Variants in PACS1 observed in about 807,000 individuals in gnomAD.
The protein encoded by PACS1 is PACS-1.
A neutral mutation model predicts 115.0 loss-of-function variants in PACS1; 24 were observed. That is an observed-to-expected ratio of 0.21 (90% CI 0.15 to 0.29). PACS1 has a LOEUF of 0.29. PACS1 is among the 10% of genes least tolerant of loss of function. The pLI is 1.00. For missense variants in PACS1, 838 were observed against 1,251.2 expected (o/e 0.67, Z 4.98); for synonymous variants, 453 against 504.5 (o/e 0.90, Z 1.37).
chr11:66,239,152 C>T lies in PACS1; in HGVS notation c.2304C>T (p.Asp768=). Residue 768 remains aspartate (D), a synonymous_variant, in exon 21 of 24, where the codon GAC becomes GAT. Transcript: ENST00000320580. ...TTTGTCCCCTGACAGGCGATGGGGACGATTCTCCTGTGGTCAGCCTTACTG... is the reference window on the plus strand; with the variant it reads ...TTTGTCCCCTGACAGGCGATGGGGATGATTCTCCTGTGGTCAGCCTTACTG... ...EDSPSTAGDG[D]DSPVVSLTVP... is the part of the protein sequence containing the mutation. The T allele has an allele frequency of 1.2e-6, 2 of 1,614,138 alleles. No individual in the cohort carries two copies. Among genetic ancestry groups the T allele is most frequent in the African/African-American group, 1.3e-5 (1 of 75,066 alleles).
intron 1 of PACS1, among the ~76,000 whole-genome samples, chr11:66,140,037 T>A (rs1419378836): frequency 6.6e-6 from 1 of 152,236 alleles, no homozygotes; most frequent in East Asian, 1.9e-4. Context: ...TTTACCCACG[T>A]ACTGAATCTG....
At chr11:66,122,422 A>G (rs917699656) in intron 1 of PACS1, among the ~76,000 whole-genome samples, 1 of 152,238 alleles carries the variant, frequency 6.6e-6, no homozygotes, top group African/African-American at 2.4e-5. Flanking sequence ...GGATAAAGGA[A>G]TATTTTCAGT....
chr11:66,137,262 T>TTGTGTTTG (rs1858868053), intron 1 of PACS1, among the ~76,000 whole-genome samples: 1 of 150,472 alleles, frequency 6.6e-6, no homozygotes, highest in Admixed American at 6.6e-5. Context: ...GTGTTTGTGT[T>TTGTGTTTG]TGTGTGTGTG....
chr11:66,201,620 T>C (rs72936656), intron 2 of PACS1, among the ~76,000 whole-genome samples: 40,280 of 148,840 alleles, frequency 0.27, 6,033 homozygotes, highest in South Asian at 0.46. Flanking sequence ...ATAAATGAAA[T>C]TGAAAAAAAA....
At chr11:66,201,663 T>G (rs1467064877) in intron 2 of PACS1, among the ~76,000 whole-genome samples, 1 of 144,954 alleles carries the variant, frequency 6.9e-6, no homozygotes, top group African/African-American at 2.5e-5. Flanking sequence ...TGGGTTTTTG[T>G]TTTTTTTTTT....
chr11:66,234,307 G>A, intron 17 of PACS1, 65 bp downstream of exon 17: 1 of 1,044,122 alleles, frequency 9.6e-7, no homozygotes, highest in South Asian at 1.3e-5. Context: ...CCTGGCTGCA[G>A]AAGGAGGCTG....
At chr11:66,203,636 G>A (rs912839286) in intron 2 of PACS1, among the ~76,000 whole-genome samples, 12 of 152,116 alleles carry the variant, frequency 7.9e-5, no homozygotes, top group African/African-American at 2.7e-4. Flanking sequence ...AAACAGCATG[G>A]TGCTGGCATA....
rs201267761 is a variant in PACS1, at chr11:66,215,911, T to A, written c.661-208T>A. On this transcript the variant is annotated intron_variant, in intron 4 of 23. Transcript: ENST00000320580. ...AGAGACTCCGTCTCAAAAATAATAA[T>A]AATAATAATAATAATAATAATAATA... 5.6e-3 allele frequency among the ~76,000 whole-genome samples: 704 copies of A among 125,340 alleles called. 13 individuals carry two copies. The highest frequency in any genetic ancestry group is 0.019 in the African/African-American group (656 of 34,102). The allele number at this position is 125,340 out of a possible 152,430, so 82.2% of individuals were successfully genotyped here.
intron 21 of PACS1, among the ~76,000 whole-genome samples, chr11:66,240,648 G>A (rs541245605): frequency 9.2e-5 from 14 of 152,136 alleles, no homozygotes; most frequent in South Asian, 4.1e-4. Context: ...TCTGCCCTGG[G>A]GACCTCAGGT....
chr11:66,073,819 T>TG (rs1202774044), intron 1 of PACS1, among the ~76,000 whole-genome samples: 2 of 151,738 alleles, frequency 1.3e-5, no homozygotes, highest in African/African-American at 4.8e-5. Flanking sequence ...AGTGGCACAG[T>TG]CATAGCTCAC....
Position 66,070,720 on chromosome 11 carries a change from G to A in PACS1, c.234G>A (p.Val78=). ...CGTCTACCTCCACCTCCATGGCCGTGGCGGTGGCCTCGGGCTCCGCGCCTC... is the reference window on the plus strand; with the variant it reads ...CGTCTACCTCCACCTCCATGGCCGTAGCGGTGGCCTCGGGCTCCGCGCCTC... ...SSSSTSTSMA[V]AVASGSAPPG... Residue 78 remains valine, a synonymous_variant, in exon 1 of 24, where the codon GTG becomes GTA. Coordinates refer to ENST00000320580, the MANE Select transcript of PACS1 (RefSeq NM_018026.4). This position sits in a 1 kb window ranked among gnomAD's most constrained non-coding sequence, Gnocchi z 5.9. The A allele has an allele frequency of 6.4e-7, 1 of 1,572,926 alleles. No homozygotes were observed. The highest frequency in any genetic ancestry group is 8.6e-7 in the Non-Finnish European group (1 of 1,167,404).
chr11:66,160,643 T>C (rs1411495132), intron 1 of PACS1, among the ~76,000 whole-genome samples: 3 of 150,284 alleles, frequency 2.0e-5, no homozygotes, highest in African/African-American at 7.3e-5. Flanking sequence ...ACTACAGGCA[T>C]GTGCCACCAT....
chr11:66,223,113 T>G (rs1423851839), intron 10 of PACS1, among the ~76,000 whole-genome samples: 1 of 145,244 alleles, frequency 6.9e-6, no homozygotes, highest in Non-Finnish European at 1.5e-5. Flanking sequence ...TTTATTGGAG[T>G]CGGAGTTTTG....
At chr11:66,138,055 A>G (rs1590771104) in intron 1 of PACS1, among the ~76,000 whole-genome samples, 1 of 152,010 alleles carries the variant, frequency 6.6e-6, no homozygotes, top group East Asian at 1.9e-4. Context: ...CTGATTCAGT[A>G]GGTCTGGGGT....
chr11:66,241,372 T>G, intron 21 of PACS1, 55 bp from the exon 22 acceptor site: 4 of 1,364,342 alleles, frequency 2.9e-6, no homozygotes, highest in Non-Finnish European at 4.1e-6. Context: ...ATCAGGCCTA[T>G]GTAGTTGGGA....
intron 1 of PACS1, among the ~76,000 whole-genome samples, chr11:66,192,219 T>C (rs553252804): frequency 1.1e-3 from 167 of 152,344 alleles, no homozygotes; most frequent in African/African-American, 3.9e-3. Flanking sequence ...TGAGCAACTA[T>C]ATACTGTGCC....
At chr11:66,228,041 G>T (rs933593285) in intron 11 of PACS1, among the ~76,000 whole-genome samples, 1 of 152,088 alleles carries the variant, frequency 6.6e-6, no homozygotes, top group African/African-American at 2.4e-5. Context: ...TGAGTTGGTT[G>T]GGATGCCCAG....
At chr11:66,096,670 A>G (rs1857790341) in intron 1 of PACS1, among the ~76,000 whole-genome samples, 1 of 149,824 alleles carries the variant, frequency 6.7e-6, no homozygotes, top group South Asian at 2.1e-4. Context: ...TGCCTGGCTA[A>G]TTTTTTTTAT....
intron 1 of PACS1, among the ~76,000 whole-genome samples, chr11:66,138,780 T>C (rs1858907815): frequency 6.6e-6 from 1 of 152,042 alleles, no homozygotes; most frequent in Admixed American, 6.6e-5. Context: ...CCTCCCGGGT[T>C]CAAGTGATTC....
Sources: allele counts gnomAD v4.1 joint callset (sites outside exome capture counted in the v4.1 genomes callset), GRCh38; gene constraint gnomAD v4.1.1; non-coding constraint Gnocchi (gnomAD v3.1); transcripts MANE v1.5; gene names NCBI Gene and HGNC (gene_info 2026-07-23, HGNC 2026-07-21).